The following PAWR variants were observed in gnomAD, a reference collection of about 807,000 sequenced individuals.
PAWR encodes the protein PRKC apoptosis WT1 regulator protein.
Under a neutral mutation model 32.0 loss-of-function variants are expected in PAWR, and 23 were observed. The observed-to-expected ratio is 0.72, with a 90% CI of 0.52 to 1.02. The LOEUF is 1.02. Among genes scored for constraint, PAWR ranks in the 50% least tolerant of loss-of-function variants. The pLI, the probability that PAWR is intolerant of heterozygous loss-of-function variation, is 0.00. For synonymous variants in PAWR, 226 were observed against 187.1 expected, an observed-to-expected ratio of 1.21 and a Z score of -1.70; for missense variants, 457 against 437.7, an observed-to-expected ratio of 1.04 and a Z score of -0.39.
At chr12:79,652,087 G>C (rs1423902320) in intron 2 of PAWR, among the ~76,000 whole-genome samples, 1 of 152,094 alleles carries the variant, frequency 6.6e-6, no homozygotes, top group Non-Finnish European at 1.5e-5. Context: ...TGGCCAGAGG[G>C]GGGTGGGAAA....
At chr12:79,612,366 T>G (rs550806978) in intron 4 of PAWR, among the ~76,000 whole-genome samples, 35 of 152,292 alleles carry the variant, frequency 2.3e-4, no homozygotes, top group African/African-American at 8.4e-4. Flanking sequence ...TGACAAAAAT[T>G]AAAATTTTTA....
rs1402756462 is a variant in PAWR at position 79,659,736 on chromosome 12, AAAC to A, written c.516+29990_516+29992del. ...TAATTCAAAATCCTATTAATGATAAAAACAACATCAACCAAGTTTTTAAAAATT... is the reference window on the plus strand; with the variant it reads ...TAATTCAAAATCCTATTAATGATAAAAACATCAACCAAGTTTTTAAAAATT... On this transcript the variant is annotated intron_variant, in intron 2 of 6. Transcript: ENST00000328827. Among the ~76,000 whole-genome samples the A allele has an allele frequency of 3.9e-5, 6 of 152,238 alleles. 1 individual carries two copies. The highest frequency in any genetic ancestry group is 2.6e-4 in the Admixed American group (4 of 15,286).
chr12:79,660,887 GTATT>G (rs1435320910), intron 2 of PAWR, among the ~76,000 whole-genome samples: 3 of 151,444 alleles, frequency 2.0e-5, no homozygotes, highest in Admixed American at 6.6e-5. Flanking sequence ...GCCAGCCACT[GTATT>G]TTTTTTTAAA....
chr12:79,671,025 G>A lies in PAWR; in HGVS notation c.516+18704C>T, dbSNP rs193289905. On this transcript the variant is annotated intron_variant, in intron 2 of 6. Coordinates refer to ENST00000328827, the MANE Select transcript of PAWR (RefSeq NM_002583.4). ...AAATATTAGCCAGGCACAGTAGCAC[G>A]AACCTCTAGTCCCAGCTACGCTGGA... Among the ~76,000 whole-genome samples the A allele has an allele frequency of 2.7e-5, 4 of 148,652 alleles. No homozygotes were observed. In the East Asian group the frequency reaches 6.0e-4, roughly 22 times the overall value.
At chr12:79,602,770 A>ATTTT (rs1037453130) in intron 4 of PAWR, among the ~76,000 whole-genome samples, 2 of 139,390 alleles carry the variant, frequency 1.4e-5, no homozygotes, top group Non-Finnish European at 3.1e-5. Context: ...TACCTGGCTA[A>ATTTT]TTTTTTTTTT....
chr12:79,658,042 G>T (rs562964239), intron 2 of PAWR, among the ~76,000 whole-genome samples: 11 of 152,146 alleles, frequency 7.2e-5, no homozygotes, highest in African/African-American at 2.7e-4. Flanking sequence ...ACTATGAGGT[G>T]GGCATCATGG....
chr12:79,600,789 C>T (rs1419194505), intron 4 of PAWR, among the ~76,000 whole-genome samples: 4 of 151,290 alleles, frequency 2.6e-5, no homozygotes, highest in African/African-American at 9.7e-5. Context: ...TTAATTCTTA[C>T]ACATTTTTGG....
At chr12:79,673,491 T>C (rs1878012333) in intron 2 of PAWR, among the ~76,000 whole-genome samples, 1 of 152,224 alleles carries the variant, frequency 6.6e-6, no homozygotes, top group Non-Finnish European at 1.5e-5. Context: ...CAGTTTCACC[T>C]GAGCCTTGCT....
At chr12:79,652,336 C>T (rs1440364173) in intron 2 of PAWR, among the ~76,000 whole-genome samples, 1 of 152,118 alleles carries the variant, frequency 6.6e-6, no homozygotes, top group Non-Finnish European at 1.5e-5. Flanking sequence ...AACCTTTCAA[C>T]AGCATTAGTG....
chr12:79,645,036 C>CACACACACA (rs112574824), intron 2 of PAWR, among the ~76,000 whole-genome samples: 3 of 119,998 alleles, frequency 2.5e-5, no homozygotes, highest in South Asian at 2.7e-4. Flanking sequence ...TCCACCCCCA[C>CACACACACA]CACACACACA....
rs112494593 is a variant in PAWR, at chr12:79,666,115, T to C, written c.516+23614A>G. Among the ~76,000 whole-genome samples, 493 of 152,220 alleles carry C rather than the reference T, an allele frequency of 3.2e-3. 2 individuals are homozygous for C. Among genetic ancestry groups the C allele is most frequent in the Non-Finnish European group, 5.6e-3 (383 of 67,996 alleles). Reference sequence around the variant, plus strand: ...AGATACAAACTGCATCTTAATAATTTAAGAAGCCAACTGTATTAGTGGAGT... The same window carrying C: ...AGATACAAACTGCATCTTAATAATTCAAGAAGCCAACTGTATTAGTGGAGT... On this transcript the variant is annotated intron_variant, in intron 2 of 6. Transcript: ENST00000328827.
intron 2 of PAWR, among the ~76,000 whole-genome samples, chr12:79,654,902 C>T (rs1363379322): frequency 6.6e-6 from 1 of 152,118 alleles, no homozygotes; most frequent in African/African-American, 2.4e-5. Context: ...AGAGCCAAAC[C>T]ATATCACCAC....
chr12:79,629,671 G>GTTTGT (rs1042725016), intron 2 of PAWR, among the ~76,000 whole-genome samples: 10 of 151,824 alleles, frequency 6.6e-5, no homozygotes, highest in Middle Eastern at 6.8e-3. Flanking sequence ...TAAACTATAT[G>GTTTGT]TTTGTTTTGT....
At chr12:79,655,370 T>C (rs926321607) in intron 2 of PAWR, among the ~76,000 whole-genome samples, 7 of 152,156 alleles carry the variant, frequency 4.6e-5, no homozygotes, top group East Asian at 1.9e-4. Context: ...AAATATGAAA[T>C]GACAATTTCT....
chr12:79,625,869 C>G (rs1193617164), intron 2 of PAWR, among the ~76,000 whole-genome samples: 5 of 149,416 alleles, frequency 3.3e-5, no homozygotes, highest in Admixed American at 6.7e-5. Flanking sequence ...AGATTATACA[C>G]AAAAGTATAT....
chr12:79,649,075 G>T (rs1419437054), intron 2 of PAWR, among the ~76,000 whole-genome samples: 1 of 152,144 alleles, frequency 6.6e-6, no homozygotes, highest in African/African-American at 2.4e-5. Context: ...GCTGAACACT[G>T]TGATTCCTTA....
rs1873353833 is a variant in PAWR, at chr12:79,585,214, AG to A, written c.*7392del. 2 of 442,828 alleles carry A rather than the reference AG, an allele frequency of 4.5e-6. No homozygotes were observed. The highest frequency in any genetic ancestry group is 3.3e-5 in the South Asian group (2 of 61,478). The allele number at this position is 442,828 out of a possible 1,614,324, so 27.4% of individuals were successfully genotyped here. On this transcript the variant is annotated 3_prime_UTR_variant, in exon 7 of 7. Coordinates refer to ENST00000328827, the MANE Select transcript of PAWR (RefSeq NM_002583.4). ...CATGTTATTTCTACAATGTCCAAAA[AG>A]AAAGACCAAGATCTTTGCTTAAAAA...
chr12:79,592,343 T>C lies in PAWR; in HGVS notation c.*264A>G, dbSNP rs1873585596. ...GCTGTGACTTTAAACCATGTATTAG[T>C]TGAATACCACACAAAACCAAAAAGG... On this transcript the variant is annotated 3_prime_UTR_variant, in exon 7 of 7. Coordinates refer to ENST00000328827, the MANE Select transcript of PAWR (RefSeq NM_002583.4). 2.9e-6 allele frequency: 1 copy of C among 346,912 alleles called. No homozygotes were observed. Among genetic ancestry groups the C allele is most frequent in the Non-Finnish European group, 5.2e-6 (1 of 193,178 alleles). 21.5% of individuals were successfully genotyped at this position (346,912 alleles called of 1,614,324 possible).
chr12:79,594,221 CA>C (rs1873663229), intron 6 of PAWR, 107 bp downstream of exon 6: 3 of 556,704 alleles, frequency 5.4e-6, no homozygotes, highest in Non-Finnish European at 9.5e-6. Context: ...ATTTCACTAA[CA>C]AAAGAACAAA....
Sources: gnomAD v4.1 joint callset for allele counts (sites outside exome capture counted in the v4.1 genomes callset) on GRCh38, gnomAD v4.1.1 for gene constraint, MANE v1.5 for transcripts, NCBI Gene and HGNC (gene_info 2026-07-23, HGNC 2026-07-21) for gene names.